LAMA2: variants seen among roughly 807,000 people sequenced by gnomAD.
LAMA2 encodes the protein laminin subunit alpha-2.
In LAMA2, 269 loss-of-function variants were observed where a neutral mutation model predicts 364.8. That is an observed-to-expected ratio of 0.74 (90% CI 0.67 to 0.82). The LOEUF (loss-of-function observed/expected upper bound fraction) is 0.82, where lower values mean the gene tolerates loss of function less well. LAMA2 is among the 40% of genes least tolerant of loss of function. The pLI is 0.00. For missense variants in LAMA2, 3,807 were observed against 3,873.2 expected (o/e 0.98, Z 0.45); for synonymous variants, 1,379 against 1,370.6 (o/e 1.01, Z -0.14).
At chr6:129,115,491 T>A (rs1296875014) in intron 4 of LAMA2, among the ~76,000 whole-genome samples, 1 of 152,084 alleles carries the variant, frequency 6.6e-6, no homozygotes, top group African/African-American at 2.4e-5. Flanking sequence ...CAGCTGCTGT[T>A]TATTCATTTT....
intron 40 of LAMA2, among the ~76,000 whole-genome samples, chr6:129,422,167 T>C (rs1396472268): frequency 6.6e-6 from 1 of 152,098 alleles, no homozygotes; most frequent in Non-Finnish European, 1.5e-5. Flanking sequence ...CTCCCTGCCT[T>C]TCCTTATACT....
At chr6:129,047,119 T>G (rs1483730009) in intron 1 of LAMA2, among the ~76,000 whole-genome samples, 1 of 152,206 alleles carries the variant, frequency 6.6e-6, no homozygotes, top group African/African-American at 2.4e-5. Flanking sequence ...CTAATTATTT[T>G]TAAATTTGTA....
chr6:129,443,841 G>A (rs1782236150), intron 44 of LAMA2, among the ~76,000 whole-genome samples: 1 of 152,134 alleles, frequency 6.6e-6, no homozygotes, highest in South Asian at 2.1e-4. Context: ...ATGACCAAGA[G>A]TGTCCTCAGC....
chr6:129,450,289 GTTTGTTTTGTTTTGT>G (rs71028162), intron 45 of LAMA2, among the ~76,000 whole-genome samples: 66,869 of 149,358 alleles, frequency 0.45, 15,133 homozygotes, highest in African/African-American at 0.49. Flanking sequence ...CAATTGTGTT[GTTTGTTTTGTTTTGT>G]TTTGTTTTGT....
At chr6:129,138,342 C>T (rs894806546) in intron 4 of LAMA2, among the ~76,000 whole-genome samples, 3 of 151,944 alleles carry the variant, frequency 2.0e-5, no homozygotes, top group East Asian at 3.9e-4. Flanking sequence ...AATGAGAACT[C>T]TTGGTTGGAG....
intron 3 of LAMA2, among the ~76,000 whole-genome samples, chr6:129,082,365 G>T (rs1203760935): frequency 6.6e-6 from 1 of 151,966 alleles, no homozygotes; most frequent in Non-Finnish European, 1.5e-5. Context: ...CCCTGATTAA[G>T]AATAGTATAA....
intron 63 of LAMA2, among the ~76,000 whole-genome samples, chr6:129,513,081 G>T (rs1298625755): frequency 6.6e-6 from 1 of 152,134 alleles, no homozygotes; most frequent in African/African-American, 2.4e-5. Flanking sequence ...TTGCACTATA[G>T]GCAGCAGGTA....
In LAMA2 at chr6:129,179,633, C is replaced by T. The variant is rs139188303; in HGVS notation, c.1467+1767C>T. 6.5e-3 allele frequency among the ~76,000 whole-genome samples: 993 copies of T among 151,942 alleles called. 8 individuals carry two copies. Among genetic ancestry groups the T allele is most frequent in the African/African-American group, 0.023 (954 of 41,424 alleles). ...CTGTGTAGACACTTGAAGCTCTACA[C>T]AGACAATTAAAATGCAACAATAAAC... On this transcript the variant is annotated intron_variant, in intron 10 of 64. Transcript: ENST00000421865.
intron 6 of LAMA2, among the ~76,000 whole-genome samples, chr6:129,147,264 CTTTTT>C (rs10647857): frequency 8.0e-6 from 1 of 125,634 alleles, no homozygotes; most frequent in African/African-American, 2.9e-5. Context: ...TTAGTTTTTC[CTTTTT>C]TTTTTTTTTT....
intron 5 of LAMA2, among the ~76,000 whole-genome samples, chr6:129,146,309 T>A (rs1424724902): frequency 6.6e-6 from 1 of 151,960 alleles, no homozygotes; most frequent in Non-Finnish European, 1.5e-5. Flanking sequence ...TCCATAATTA[T>A]CCTTAAAAAA....
At chr6:129,422,539 C>T (rs1781127542) in intron 40 of LAMA2, among the ~76,000 whole-genome samples, 1 of 152,092 alleles carries the variant, frequency 6.6e-6, no homozygotes, top group East Asian at 1.9e-4. Flanking sequence ...ACTACAACTT[C>T]TGCAGATAGT....
At chr6:129,200,255 CGTGT>C (rs1562324122) in intron 12 of LAMA2, among the ~76,000 whole-genome samples, 25 of 132,182 alleles carry the variant, frequency 1.9e-4, no homozygotes, top group Non-Finnish European at 7.9e-5. Context: ...TATATATATA[CGTGT>C]ACACATATAC....
chr6:128,998,457 C>T (rs530191548), intron 1 of LAMA2, among the ~76,000 whole-genome samples: 2 of 70,610 alleles, frequency 2.8e-5, no homozygotes, highest in Non-Finnish European at 5.4e-5. Flanking sequence ...ACGCAGAAGA[C>T]GGTGATTTCT....
chr6:129,306,519 G>A (rs1360845820), intron 22 of LAMA2, among the ~76,000 whole-genome samples: 1 of 151,494 alleles, frequency 6.6e-6, no homozygotes, highest in African/African-American at 2.4e-5. Context: ...ATTTGGAAAT[G>A]AAAGTTGTCA....
At chr6:129,444,501 C>T (rs1782271582) in intron 44 of LAMA2, among the ~76,000 whole-genome samples, 1 of 152,120 alleles carries the variant, frequency 6.6e-6, no homozygotes, top group African/African-American at 2.4e-5. Context: ...AGATAACATG[C>T]ATTTCAGGAA....
At chr6:129,171,550 A>G (rs1362336633) in intron 9 of LAMA2, among the ~76,000 whole-genome samples, 1 of 152,002 alleles carries the variant, frequency 6.6e-6, no homozygotes, top group Non-Finnish European at 1.5e-5. Flanking sequence ...ATCTGCTGTT[A>G]GTCTGATGGG....
chr6:128,898,533 A>G (rs1404027639), intron 1 of LAMA2, among the ~76,000 whole-genome samples: 1 of 152,220 alleles, frequency 6.6e-6, no homozygotes, highest in Non-Finnish European at 1.5e-5. Context: ...AGTTTATTCC[A>G]TAAATATCCA....
chr6:129,514,301 T>C, intron 63 of LAMA2, 72 bp from the exon 64 acceptor site: 1 of 1,082,320 alleles, frequency 9.2e-7, no homozygotes, highest in East Asian at 2.4e-5. Flanking sequence ...GACCTGATCA[T>C]TTGTATGTGT....
intron 58 of LAMA2, among the ~76,000 whole-genome samples, chr6:129,493,978 C>A (rs1481753569): frequency 6.6e-6 from 1 of 152,164 alleles, no homozygotes; most frequent in Non-Finnish European, 1.5e-5. Context: ...CAAGCTTTTT[C>A]ATTATTTCCA....
Sources: gnomAD v4.1 joint callset for allele counts (sites outside exome capture counted in the v4.1 genomes callset) on GRCh38, gnomAD v4.1.1 for gene constraint, MANE v1.5 for transcripts, NCBI Gene and HGNC (gene_info 2026-07-23, HGNC 2026-07-21) for gene names.